The following RBFOX1 variants were observed in gnomAD, a reference collection of about 807,000 sequenced individuals.
RBFOX1 encodes the protein RNA binding protein fox-1 homolog 1.
Under a neutral mutation model 57.7 loss-of-function variants are expected in RBFOX1, and 8 were observed. The ratio of observed to expected loss-of-function variants is 0.14; its 90% CI spans 0.08 to 0.25. RBFOX1 has a LOEUF of 0.25. Among genes scored for constraint, RBFOX1 ranks in the 10% least tolerant of loss-of-function variants. The probability of loss-of-function intolerance (pLI) is 1.00; values close to 1 mark genes in which losing one functional copy is unlikely to be tolerated. For synonymous variants in RBFOX1, 326 were observed against 222.4 expected (o/e 1.47, Z -4.15); for missense variants, 611 against 548.5 (o/e 1.11, Z -1.14).
chr16:6,564,938 G>A (rs1038171788), intron 2 of RBFOX1, among the ~76,000 whole-genome samples: 1 of 151,906 alleles, frequency 6.6e-6, no homozygotes, highest in Non-Finnish European at 1.5e-5. Context: ...GTCAGGAGTT[G>A]GAGATCAGCT....
chr16:5,809,976 C>T (rs2055362415), intron 3 of RBFOX1, among the ~76,000 whole-genome samples: 1 of 152,014 alleles, frequency 6.6e-6, no homozygotes. Flanking sequence ...ACATATACAC[C>T]ACGGAATACT....
chr16:5,840,258 C>G (rs1250046726), intron 3 of RBFOX1, among the ~76,000 whole-genome samples: 1 of 152,172 alleles, frequency 6.6e-6, no homozygotes, highest in Non-Finnish European at 1.5e-5. Flanking sequence ...TCCCCTATGT[C>G]CTGACAGCGC....
intron 3 of RBFOX1, among the ~76,000 whole-genome samples, chr16:7,006,173 A>G (rs1193574285): frequency 2.0e-5 from 3 of 151,818 alleles, no homozygotes; most frequent in Admixed American, 6.6e-5. Flanking sequence ...TTTTTTTGAG[A>G]TGGAGTCTCA....
intron 4 of RBFOX1, among the ~76,000 whole-genome samples, chr16:7,150,175 A>G (rs1198731990): frequency 6.6e-6 from 1 of 152,150 alleles, no homozygotes; most frequent in East Asian, 1.9e-4. Context: ...TTCTGCTAGA[A>G]CATGCACATC....
At chr16:6,169,108 G>T (rs1181200962) in intron 1 of RBFOX1, among the ~76,000 whole-genome samples, 3 of 152,150 alleles carry the variant, frequency 2.0e-5, no homozygotes, top group Non-Finnish European at 2.9e-5. Context: ...GGATAGAAGG[G>T]ATGACTCCAG....
intron 4 of RBFOX1, among the ~76,000 whole-genome samples, chr16:7,302,999 A>C (rs1326519311): frequency 6.6e-6 from 1 of 152,226 alleles, no homozygotes; most frequent in African/African-American, 2.4e-5. Flanking sequence ...CAGCCGACGG[A>C]GTAATCTCTT....
chr16:6,873,096 T>G (rs2061232388), intron 3 of RBFOX1, among the ~76,000 whole-genome samples: 1 of 152,038 alleles, frequency 6.6e-6, no homozygotes, highest in Non-Finnish European at 1.5e-5. Context: ...TACCTTGTAT[T>G]TCTTACTTGA....
intron 3 of RBFOX1, among the ~76,000 whole-genome samples, chr16:6,827,302 C>T (rs777091916): frequency 2.6e-5 from 4 of 151,736 alleles, no homozygotes; most frequent in Non-Finnish European, 4.4e-5. Flanking sequence ...CCAAACCAGG[C>T]GTAAGAAAGT....
At chr16:5,730,531 T>C (rs1432397908) in intron 3 of RBFOX1, among the ~76,000 whole-genome samples, 2 of 152,162 alleles carry the variant, frequency 1.3e-5, no homozygotes, top group Non-Finnish European at 2.9e-5. Flanking sequence ...CTCTTTGGGA[T>C]AGAATAATAC....
chr16:6,281,170 A>T (rs1262450389), intron 1 of RBFOX1, among the ~76,000 whole-genome samples: 1 of 151,986 alleles, frequency 6.6e-6, no homozygotes, highest in African/African-American at 2.4e-5. Context: ...TAGTAATGAG[A>T]TATAAATTGA....
chr16:6,281,909 C>T (rs116633924), intron 1 of RBFOX1, among the ~76,000 whole-genome samples: 2 of 152,132 alleles, frequency 1.3e-5, no homozygotes, highest in Admixed American at 6.5e-5. Context: ...CCACTGCCCG[C>T]CTGAGTTGAA....
At chr16:7,088,999 C>A (rs1042013526) in intron 4 of RBFOX1, among the ~76,000 whole-genome samples, 1 of 152,146 alleles carries the variant, frequency 6.6e-6, no homozygotes, top group African/African-American at 2.4e-5. Flanking sequence ...TTGTTGAATT[C>A]TTTGTTAATC....
chr16:7,625,180 A>G (rs150701247), intron 10 of RBFOX1, among the ~76,000 whole-genome samples: 46 of 152,108 alleles, frequency 3.0e-4, no homozygotes, highest in Admixed American at 1.2e-3. Flanking sequence ...GGTCGCCATG[A>G]TGTTCTGAAC....
chr16:5,869,715 T>A (rs1012816392), intron 4 of RBFOX1, among the ~76,000 whole-genome samples: 4 of 152,184 alleles, frequency 2.6e-5, no homozygotes, highest in Non-Finnish European at 5.9e-5. Context: ...TCACAAGATA[T>A]TTCTTATCCT....
At chr16:6,070,817 G>A (rs1555496488) in intron 1 of RBFOX1, among the ~76,000 whole-genome samples, 5 of 149,774 alleles carry the variant, frequency 3.3e-5, no homozygotes, top group African/African-American at 7.3e-5. Context: ...ACACACGCTC[G>A]CCCCCCCCAC....
In RBFOX1 at chr16:6,465,476, C is replaced by G. The variant is rs1597631594; in HGVS notation, c.-64+148419C>G. 2.0e-5 allele frequency among the ~76,000 whole-genome samples: 3 copies of G among 152,212 alleles called. No individual in the cohort carries two copies. The South Asian group carries it at 6.2e-4, about 32-fold the overall frequency. On this transcript the variant is annotated intron_variant, in intron 2 of 15. Transcript: ENST00000550418. Reference sequence around the variant, plus strand: ...TCTGTCTGAGTTCAGCAGTTAGACTCAGCTCGTGGGTTCCTACAGCTCAAT... The same window carrying G: ...TCTGTCTGAGTTCAGCAGTTAGACTGAGCTCGTGGGTTCCTACAGCTCAAT...
intron 4 of RBFOX1, among the ~76,000 whole-genome samples, chr16:5,944,229 C>G (rs139576804): frequency 6.6e-6 from 1 of 152,198 alleles, no homozygotes; most frequent in African/African-American, 2.4e-5. Flanking sequence ...GAACGAGATA[C>G]ATGGGCTACA....
chr16:7,547,141 C>T lies in RBFOX1; in HGVS notation c.270+28752C>T, dbSNP rs556500751. 1.3e-4 allele frequency among the ~76,000 whole-genome samples: 20 copies of T among 152,268 alleles called. No homozygotes were observed. The East Asian group carries it at 2.1e-3, about 16-fold the overall frequency. ...ATGGTTTCTAAACAGCACTGGCTAA[C>T]GCACAGCCCTGCATATTGGCTTTCA... On this transcript the variant is annotated intron_variant, in intron 5 of 15. Transcript: ENST00000550418.
intron 3 of RBFOX1, among the ~76,000 whole-genome samples, chr16:6,929,633 T>C (rs1306251222): frequency 1.3e-5 from 2 of 152,198 alleles, no homozygotes; most frequent in Non-Finnish European, 2.9e-5. Flanking sequence ...TCAATTTTTC[T>C]CACCTTTAGG....
Sources: allele counts gnomAD v4.1 joint callset (sites outside exome capture counted in the v4.1 genomes callset), GRCh38; gene constraint gnomAD v4.1.1; transcripts MANE v1.5; gene names NCBI Gene and HGNC (gene_info 2026-07-23, HGNC 2026-07-21).